NKAIN2: variants seen among roughly 807,000 people sequenced by gnomAD.
NKAIN2 encodes the protein sodium/potassium transporting ATPase interacting 2.
Under a neutral mutation model 32.6 loss-of-function variants are expected in NKAIN2, and 14 were observed. The observed-to-expected ratio is 0.43, with a 90% confidence interval of 0.28 to 0.67. The LOEUF (loss-of-function observed/expected upper bound fraction) is 0.67, where lower values mean the gene tolerates loss of function less well. NKAIN2 is among the 30% of genes least tolerant of loss of function. NKAIN2 has a pLI of 0.17. For missense variants in NKAIN2, 198 were observed against 258.3 expected, an observed-to-expected ratio of 0.77 and a Z score of 1.60; for synonymous variants, 80 against 87.2, an observed-to-expected ratio of 0.92 and a Z score of 0.46.
intron 1 of NKAIN2, among the ~76,000 whole-genome samples, chr6:124,057,385 T>C (rs557457389): frequency 1.4e-4 from 22 of 152,220 alleles, no homozygotes; most frequent in African/African-American, 5.1e-4. Flanking sequence ...CAGCTTCAAT[T>C]TGATTAAGAA....
At chr6:124,398,122 G>A (rs62436280) in intron 3 of NKAIN2, among the ~76,000 whole-genome samples, 18 of 151,246 alleles carry the variant, frequency 1.2e-4, no homozygotes, top group Admixed American at 5.3e-4. Context: ...GCGTGGTTGC[G>A]GGCACCTGTA....
At chr6:123,833,192 A>G (rs1262873595) in intron 1 of NKAIN2, among the ~76,000 whole-genome samples, 1 of 152,184 alleles carries the variant, frequency 6.6e-6, no homozygotes. Flanking sequence ...TACCATTTGT[A>G]GAAAAGACTA....
chr6:124,034,404 G>T (rs1456008283), intron 1 of NKAIN2, among the ~76,000 whole-genome samples: 1 of 151,990 alleles, frequency 6.6e-6, no homozygotes, highest in African/African-American at 2.4e-5. Context: ...AATTCACTTA[G>T]GATAATGACC....
chr6:124,243,071 G>C (rs1301699899), intron 1 of NKAIN2, among the ~76,000 whole-genome samples: 1 of 151,454 alleles, frequency 6.6e-6, no homozygotes, highest in Non-Finnish European at 1.5e-5. Flanking sequence ...GGAGTAAAAG[G>C]AGATAAAAGT....
intron 1 of NKAIN2, among the ~76,000 whole-genome samples, chr6:123,804,755 A>G (rs537136480): frequency 3.9e-5 from 6 of 152,264 alleles, no homozygotes; most frequent in Non-Finnish European, 7.4e-5. Flanking sequence ...TTTAGGGCAC[A>G]TGGTATCCTT....
At chr6:123,992,697 G>A (rs1355283) in intron 1 of NKAIN2, among the ~76,000 whole-genome samples, 81,981 of 151,972 alleles carry the variant, frequency 0.54, 23,722 homozygotes, top group African/African-American at 0.74. Flanking sequence ...ACTAGGAAGT[G>A]TTTAATGCAA....
At chr6:123,873,829 G>T (rs1773030259) in intron 1 of NKAIN2, among the ~76,000 whole-genome samples, 1 of 152,128 alleles carries the variant, frequency 6.6e-6, no homozygotes. Context: ...AAGCAGCATT[G>T]CTGTACTCTT....
At chr6:124,414,063 C>T (rs898494156) in intron 3 of NKAIN2, among the ~76,000 whole-genome samples, 2 of 151,606 alleles carry the variant, frequency 1.3e-5, no homozygotes, top group African/African-American at 4.8e-5. Context: ...AACCTCAGTA[C>T]AATGCTGAAT....
chr6:124,475,100 C>A (rs1465316588), intron 3 of NKAIN2, among the ~76,000 whole-genome samples: 3 of 151,638 alleles, frequency 2.0e-5, no homozygotes, highest in African/African-American at 7.3e-5. Flanking sequence ...AAGAGGAGTT[C>A]TTTGAAAGAC....
chr6:124,399,364 A>G (rs1396064674), intron 3 of NKAIN2, among the ~76,000 whole-genome samples: 1 of 152,144 alleles, frequency 6.6e-6, no homozygotes, highest in Non-Finnish European at 1.5e-5. Flanking sequence ...TTGAGGGTCA[A>G]TTATTTGGAT....
intron 1 of NKAIN2, among the ~76,000 whole-genome samples, chr6:124,170,077 A>T (rs1363647630): frequency 1.3e-5 from 2 of 152,120 alleles, no homozygotes. Context: ...TTCTGAGTTC[A>T]GCCTTCTTTT....
intron 2 of NKAIN2, among the ~76,000 whole-genome samples, chr6:124,313,756 T>C (rs1005741935): frequency 5.3e-5 from 8 of 152,050 alleles, no homozygotes; most frequent in African/African-American, 1.7e-4. Context: ...TTTGACAGAG[T>C]ATCTGTTGTT....
At chr6:124,350,458 A>T (rs1220908148) in intron 2 of NKAIN2, among the ~76,000 whole-genome samples, 2 of 152,224 alleles carry the variant, frequency 1.3e-5, no homozygotes, top group Non-Finnish European at 2.9e-5. Flanking sequence ...GGATTAAGAT[A>T]GGAGGTATAA....
chr6:124,479,539 G>C (rs1250731179), intron 3 of NKAIN2, among the ~76,000 whole-genome samples: 1 of 152,174 alleles, frequency 6.6e-6, no homozygotes, highest in Non-Finnish European at 1.5e-5. Context: ...GAAGGATTCT[G>C]TCTGTGACAA....
chr6:124,753,138 G>T (rs1026469563), intron 4 of NKAIN2, among the ~76,000 whole-genome samples: 2 of 152,052 alleles, frequency 1.3e-5, no homozygotes, highest in African/African-American at 2.4e-5. Context: ...TCTCCTTAGA[G>T]ATCTTTTTCA....
chr6:124,488,517 T>G (rs1777740528), intron 3 of NKAIN2, among the ~76,000 whole-genome samples: 1 of 152,048 alleles, frequency 6.6e-6, no homozygotes, highest in Non-Finnish European at 1.5e-5. Flanking sequence ...CAGGTACATC[T>G]ATCACAAATC....
At chr6:124,201,463 G>A (rs1291637009) in intron 1 of NKAIN2, among the ~76,000 whole-genome samples, 2 of 151,882 alleles carry the variant, frequency 1.3e-5, no homozygotes, top group South Asian at 2.1e-4. Context: ...AGGGAAATTA[G>A]TTACCTATTG....
Position 124,401,059 on chromosome 6 carries a change from G to A in NKAIN2, c.273+45712G>A, listed in dbSNP as rs186928073. ...CACAATGCATTGGTCTGTTATTTTT[G>A]TTGCTGTAAAATCTTACATTTTTAA... On this transcript the variant is annotated intron_variant, in intron 3 of 6. Coordinates refer to ENST00000368417, the MANE Select transcript of NKAIN2 (RefSeq NM_001040214.3). 9.3e-3 allele frequency among the ~76,000 whole-genome samples: 1,421 copies of A among 152,128 alleles called. 9 individuals are homozygous for A. The highest frequency in any genetic ancestry group is 0.034 in the Middle Eastern group (10 of 294).
chr6:124,704,221 T>C (rs990384608), intron 4 of NKAIN2, among the ~76,000 whole-genome samples: 1 of 151,958 alleles, frequency 6.6e-6, no homozygotes, highest in African/African-American at 2.4e-5. Flanking sequence ...AAAATTAATA[T>C]ATTCATTAAA....
Sources: allele counts gnomAD v4.1 joint callset (sites outside exome capture counted in the v4.1 genomes callset), GRCh38; gene constraint gnomAD v4.1.1; transcripts MANE v1.5; gene names NCBI Gene and HGNC (gene_info 2026-07-23, HGNC 2026-07-21).